EVL: variants seen among roughly 807,000 people sequenced by gnomAD.
EVL encodes ena/VASP-like protein.
Under a neutral mutation model 59.6 loss-of-function variants are expected in EVL, and 21 were observed. The ratio of observed to expected loss-of-function variants is 0.35; its 90% CI spans 0.25 to 0.51. The LOEUF (loss-of-function observed/expected upper bound fraction) is 0.51, where lower values mean the gene tolerates loss of function less well. Among genes scored for constraint, EVL ranks in the 20% least tolerant of loss-of-function variants. EVL has a pLI of 0.97. For synonymous variants in EVL, 198 were observed against 203.5 expected, an observed-to-expected ratio of 0.97 and a Z score of 0.23; for missense variants, 462 against 546.6, an observed-to-expected ratio of 0.85 and a Z score of 1.54.
At chr14:100,039,258 C>T (rs959588597) in intron 1 of EVL, among the ~76,000 whole-genome samples, 10 of 152,180 alleles carry the variant, frequency 6.6e-5, no homozygotes, top group East Asian at 1.9e-4. Flanking sequence ...TTATTTGAGA[C>T]GGAGTTGCAC....
intron 4 of EVL, 24 bp downstream of exon 4, chr14:100,123,626 A>T (rs748793176): frequency 6.2e-7 from 1 of 1,613,458 alleles, no homozygotes; most frequent in Admixed American, 1.7e-5. Flanking sequence ...CGCAGGGGCC[A>T]GGCTGGTCAT....
At chr14:100,070,144 T>G (rs923745567) in intron 1 of EVL, among the ~76,000 whole-genome samples, 2 of 151,566 alleles carry the variant, frequency 1.3e-5, no homozygotes, top group Non-Finnish European at 2.9e-5. Context: ...GCCTGAAGCC[T>G]ATAGTCCCAA....
At chr14:100,094,138 C>T (rs1033526575) in intron 2 of EVL, among the ~76,000 whole-genome samples, 2 of 150,186 alleles carry the variant, frequency 1.3e-5, no homozygotes, top group Non-Finnish European at 2.9e-5. Context: ...AAAAAAATCA[C>T]GAAGTCCTCG....
intron 4 of EVL, 52 bp downstream of exon 4, chr14:100,123,654 T>C (rs761366159): frequency 6.3e-7 from 1 of 1,593,210 alleles, no homozygotes; most frequent in South Asian, 1.1e-5. Context: ...TCAGGCTGGG[T>C]GGCCAGGGGT....
At chr14:99,999,163 A>G (rs1381078666) in intron 1 of EVL, among the ~76,000 whole-genome samples, 2 of 152,158 alleles carry the variant, frequency 1.3e-5, no homozygotes, top group Non-Finnish European at 2.9e-5. Flanking sequence ...TCTACCATAC[A>G]TTATTTGACC....
At chr14:99,998,465 A>G (rs2060927179) in intron 1 of EVL, among the ~76,000 whole-genome samples, 1 of 152,170 alleles carries the variant, frequency 6.6e-6, no homozygotes, top group African/African-American at 2.4e-5. Context: ...TTTATTTTGT[A>G]CAAGCATTGT....
At chr14:100,112,726 G>A (rs555492689) in intron 3 of EVL, among the ~76,000 whole-genome samples, 10 of 152,276 alleles carry the variant, frequency 6.6e-5, no homozygotes, top group South Asian at 4.1e-4. Flanking sequence ...CCACGTAATC[G>A]CAGAGTTTGT....
intron 1 of EVL, among the ~76,000 whole-genome samples, chr14:100,036,915 C>A (rs1356996533): frequency 6.6e-6 from 1 of 152,010 alleles, no homozygotes; most frequent in Non-Finnish European, 1.5e-5. Flanking sequence ...TAAGAGTGGC[C>A]CCTAGTCCAA....
chr14:100,123,419 G>T, intron 3 of EVL, 120 bp from the exon 4 acceptor site: 1 of 938,282 alleles, frequency 1.1e-6, no homozygotes, highest in Admixed American at 2.2e-5. Context: ...CATTTAAAAA[G>T]ATTCTTAAGG....
intron 3 of EVL, among the ~76,000 whole-genome samples, chr14:100,121,906 A>G (rs1595219393): frequency 6.6e-6 from 1 of 152,348 alleles, no homozygotes; most frequent in East Asian, 1.9e-4. Flanking sequence ...CCCTCAGACC[A>G]AATGCTAGAC....
Position 100,028,164 on chromosome 14 carries a change from A to G in EVL, c.5+56107A>G, listed in dbSNP as rs534090052. 5.6e-5 allele frequency among the ~76,000 whole-genome samples: 8 copies of G among 143,058 alleles called. No individual in the cohort carries two copies. The East Asian group carries it at 1.4e-3, about 25-fold the overall frequency. 93.9% of individuals were successfully genotyped at this position (143,058 alleles called of 152,430 possible). A position where few individuals can be genotyped will look rare whatever the true frequency, so the allele number is the denominator to read the frequency against. ...TTTTTTTTTTTTTGAGGAACCTCCA[A>G]ACTGTTTTGGAGTGTCCACAGTGGC... On this transcript the variant is annotated intron_variant, in intron 1 of 13. Coordinates refer to the EVL transcript ENST00000402714.
intron 1 of EVL, among the ~76,000 whole-genome samples, chr14:100,068,095 A>AC (rs2061971852): frequency 6.6e-6 from 1 of 152,128 alleles, no homozygotes; most frequent in Non-Finnish European, 1.5e-5. Context: ...TAGTCAAGAA[A>AC]CCATCAACAA....
rs745491976 is a variant in EVL at position 100,141,753 on chromosome 14, G to A, written c.1179G>A (p.Val393=). ...CCCAACAGGAGATCCTAGAGGAGGT[G>A]GTGAGAGAGCTCCACAAGGTGAAGG... The part of the protein sequence containing the change: ...DRMKQEILEE[V]VRELHKVKEE... Residue 393 remains valine, a synonymous_variant, in exon 13 of 14, where the codon GTG becomes GTA. Transcript: ENST00000392920. 10 of 1,613,402 alleles carry A rather than the reference G, an allele frequency of 6.2e-6. No homozygotes were observed. The African/African-American group carries it at 6.7e-5, about 11-fold the overall frequency.
chr14:100,119,560 T>C (rs543626435), intron 3 of EVL, among the ~76,000 whole-genome samples: 1 of 152,108 alleles, frequency 6.6e-6, no homozygotes, highest in Non-Finnish European at 1.5e-5. Flanking sequence ...CCAGCAAGGC[T>C]TGGGGGGCAG....
rs78289141 is a variant in EVL, at chr14:100,114,170, C to T, written c.359-9369C>T. 1.3e-5 allele frequency among the ~76,000 whole-genome samples: 2 copies of T among 151,250 alleles called. No homozygotes were observed. The highest frequency in any genetic ancestry group is 4.3e-4 in the South Asian group (2 of 4,702). ...AGCAAGGAGCGAAGCGAAGGAGGGC[C>T]GGGGGGGAATCAAATGAGCCTTACT... On this transcript the variant is annotated intron_variant, in intron 3 of 13. Coordinates refer to ENST00000392920, the MANE Select transcript of EVL (RefSeq NM_016337.3). The surrounding 1 kb of genome is among the most constrained non-coding windows in gnomAD (Gnocchi z 5.0).
chr14:99,993,233 T>A (rs527625589), intron 1 of EVL, among the ~76,000 whole-genome samples: 1 of 152,054 alleles, frequency 6.6e-6, no homozygotes, highest in African/African-American at 2.4e-5. Flanking sequence ...AATTTTTTTT[T>A]ATTTTTAGTA....
chr14:100,123,701 C>A, intron 4 of EVL, 99 bp downstream of exon 4: 1 of 1,259,552 alleles, frequency 7.9e-7, no homozygotes, highest in Non-Finnish European at 1.1e-6. Flanking sequence ...CAGCCAAGGC[C>A]AGGACTCCTA....
chr14:100,131,785 G>C (rs1400068993), intron 7 of EVL, among the ~76,000 whole-genome samples: 1 of 152,196 alleles, frequency 6.6e-6, no homozygotes, highest in Non-Finnish European at 1.5e-5. Context: ...CAGATTTAGA[G>C]AACTGACCAG....
intron 1 of EVL, among the ~76,000 whole-genome samples, chr14:100,036,569 A>G (rs1471271679): frequency 6.6e-6 from 1 of 152,072 alleles, no homozygotes; most frequent in Non-Finnish European, 1.5e-5. Context: ...TTTGTTTTGC[A>G]GTATATAAAC....
Sources: gnomAD v4.1 joint callset for allele counts (sites outside exome capture counted in the v4.1 genomes callset) on GRCh38, gnomAD v4.1.1 for gene constraint, Gnocchi (gnomAD v3.1) non-coding constraint, MANE v1.5 for transcripts, NCBI Gene and HGNC (gene_info 2026-07-23, HGNC 2026-07-21) for gene names.